Variants in LDAH observed in about 807,000 individuals in gnomAD.
LDAH encodes the protein lipid droplet associated hydrolase.
Under a neutral mutation model 29.6 loss-of-function variants are expected in LDAH, and 26 were observed. That is an observed-to-expected ratio of 0.88 (90% CI 0.64 to 1.22). The LOEUF (loss-of-function observed/expected upper bound fraction) is 1.22, where lower values mean the gene tolerates loss of function less well. LDAH is among the 50% of genes most tolerant of loss of function. The probability of loss-of-function intolerance (pLI) is 0.00; values close to 1 mark genes in which losing one functional copy is unlikely to be tolerated. For missense variants in LDAH, 344 were observed against 387.3 expected (o/e 0.89, Z 0.94); for synonymous variants, 117 against 133.0 (o/e 0.88, Z 0.83).
chr2:20,778,641 T>G (rs1319527242), intron 3 of LDAH, among the ~76,000 whole-genome samples: 1 of 152,118 alleles, frequency 6.6e-6, no homozygotes, highest in East Asian at 1.9e-4. Flanking sequence ...GATCATAATC[T>G]ACTAACAGGA....
chr2:20,785,560 C>T lies in LDAH; in HGVS notation c.298+4695G>A, dbSNP rs148425065. On this transcript the variant is annotated intron_variant, in intron 3 of 6. Coordinates refer to ENST00000237822, the MANE Select transcript of LDAH (RefSeq NM_021925.4). Reference sequence around the variant, plus strand: ...TCCTGCTTAGTGTGCTCTGAGATTCCTAGACCTGTGTTTTGTCATCTGGCA... The same window carrying T: ...TCCTGCTTAGTGTGCTCTGAGATTCTTAGACCTGTGTTTTGTCATCTGGCA... Among the ~76,000 whole-genome samples the T allele has an allele frequency of 6.6e-5, 10 of 152,292 alleles. No individual in the cohort carries two copies. In the East Asian group the frequency reaches 1.9e-3, roughly 29 times the overall value.
At chr2:20,706,769 C>T (rs527894226) in intron 5 of LDAH, among the ~76,000 whole-genome samples, 2 of 149,834 alleles carry the variant, frequency 1.3e-5, no homozygotes, top group South Asian at 4.2e-4. Flanking sequence ...TATTGGGCAA[C>T]AAAAAGACAG....
intron 6 of LDAH, among the ~76,000 whole-genome samples, chr2:20,689,834 G>A (rs549302385): frequency 2.3e-4 from 35 of 152,196 alleles, no homozygotes; most frequent in African/African-American, 7.7e-4. Flanking sequence ...GCATGCTCTC[G>A]CCTCAAGATC....
chr2:20,706,552 T>C (rs1369781691), intron 5 of LDAH, among the ~76,000 whole-genome samples: 1 of 152,194 alleles, frequency 6.6e-6, no homozygotes, highest in Non-Finnish European at 1.5e-5. Context: ...ATTATCGATA[T>C]AGAAGCCAAA....
intron 3 of LDAH, among the ~76,000 whole-genome samples, chr2:20,783,989 G>A (rs528687433): frequency 3.0e-4 from 45 of 152,246 alleles, no homozygotes; most frequent in African/African-American, 1.0e-3. Context: ...CTGGAATTAC[G>A]GGCGTGTATA....
At chr2:20,689,545 C>T (rs1450477661) in intron 6 of LDAH, among the ~76,000 whole-genome samples, 1 of 152,222 alleles carries the variant, frequency 6.6e-6, no homozygotes, top group Non-Finnish European at 1.5e-5. Context: ...CCGGATCTCT[C>T]AGCAACTACC....
intron 4 of LDAH, among the ~76,000 whole-genome samples, chr2:20,767,910 C>G (rs1317376196): frequency 6.6e-6 from 1 of 152,132 alleles, no homozygotes; most frequent in Non-Finnish European, 1.5e-5. Flanking sequence ...CTTGCCTGCA[C>G]AGAGAAGCCA....
rs77871354 is a variant in LDAH, at chr2:20,719,656, C to G, written c.704-18004G>C. Among the ~76,000 whole-genome samples the G allele has an allele frequency of 3.2e-3, 484 of 152,006 alleles. 1 individual carries two copies. Among genetic ancestry groups the G allele is most frequent in the Non-Finnish European group, 4.6e-3 (315 of 67,862 alleles). On this transcript the variant is annotated intron_variant, in intron 5 of 6. Coordinates refer to ENST00000237822, the MANE Select transcript of LDAH (RefSeq NM_021925.4). ...GGCCAGCATTACCATGATACCAAGACCAGACAAGAATATAACAGAAAACCA... is the reference window on the plus strand; with the variant it reads ...GGCCAGCATTACCATGATACCAAGAGCAGACAAGAATATAACAGAAAACCA...
At chr2:20,713,948 C>T (rs911123613) in intron 5 of LDAH, among the ~76,000 whole-genome samples, 1 of 152,148 alleles carries the variant, frequency 6.6e-6, no homozygotes, top group Non-Finnish European at 1.5e-5. Flanking sequence ...TTTAACACCC[C>T]ACTGTCAATA....
At chr2:20,714,216 G>T (rs1197020818) in intron 5 of LDAH, among the ~76,000 whole-genome samples, 4 of 152,170 alleles carry the variant, frequency 2.6e-5, no homozygotes, top group Non-Finnish European at 5.9e-5. Context: ...TAGAACTCAG[G>T]ATTAAGAAAC....
intron 3 of LDAH, among the ~76,000 whole-genome samples, chr2:20,781,303 A>C (rs1230660256): frequency 2.0e-5 from 3 of 152,172 alleles, no homozygotes; most frequent in African/African-American, 7.2e-5. Context: ...ATTATATTCA[A>C]CTTATGATTG....
At chr2:20,710,270 A>T (rs1009495867) in intron 5 of LDAH, among the ~76,000 whole-genome samples, 1 of 152,160 alleles carries the variant, frequency 6.6e-6, no homozygotes, top group Admixed American at 6.5e-5. Context: ...CAGATTCCAG[A>T]TATCAAAAGG....
At chr2:20,695,224 G>A (rs1663351702) in intron 6 of LDAH, among the ~76,000 whole-genome samples, 1 of 152,156 alleles carries the variant, frequency 6.6e-6, no homozygotes, top group African/African-American at 2.4e-5. Context: ...GGGGAGTGGT[G>A]GCTGTTGTTT....
intron 4 of LDAH, among the ~76,000 whole-genome samples, chr2:20,752,159 T>C (rs1668013773): frequency 6.6e-6 from 1 of 152,002 alleles, no homozygotes; most frequent in East Asian, 1.9e-4. Context: ...CCCAAAGTGC[T>C]AGGATTACGG....
At chr2:20,781,665 C>T (rs1670206436) in intron 3 of LDAH, among the ~76,000 whole-genome samples, 1 of 152,236 alleles carries the variant, frequency 6.6e-6, no homozygotes, top group Admixed American at 6.5e-5. Flanking sequence ...TTTTGAGCTA[C>T]TCAGATACAG....
chr2:20,686,685 CTGA>C lies in LDAH; in HGVS notation c.*215_*217del. The C allele has an allele frequency of 2.3e-6, 1 of 430,050 alleles. No individual in the cohort carries two copies. Among genetic ancestry groups the C allele is most frequent in the Non-Finnish European group, 4.2e-6 (1 of 240,574 alleles). The allele number at this position is 430,050 out of a possible 1,614,324, so 26.6% of individuals were successfully genotyped here. A position where few individuals can be genotyped will look rare whatever the true frequency, so the allele number is the denominator to read the frequency against. ...GACTCTGTGTAGATCACTGTGTTCCCTGAGTCTTGGAAAATGTATGGTTAAACC... is the reference window on the plus strand; with the variant it reads ...GACTCTGTGTAGATCACTGTGTTCCCGTCTTGGAAAATGTATGGTTAAACC... On this transcript the variant is annotated 3_prime_UTR_variant, in exon 7 of 7. Coordinates refer to ENST00000237822, the MANE Select transcript of LDAH (RefSeq NM_021925.4).
In LDAH at chr2:20,685,474, T is replaced by G. The variant is rs888789744; in HGVS notation, c.*1429A>C. On this transcript the variant is annotated 3_prime_UTR_variant, in exon 7 of 7. Coordinates refer to ENST00000237822, the MANE Select transcript of LDAH (RefSeq NM_021925.4). ...CAGCACTCCTTGTCTGGAGCTTGGC[T>G]TTTCCCCTCTGAGAAGTCACTTGCT... The G allele has an allele frequency of 1.2e-5, 18 of 1,519,334 alleles. No homozygotes were observed. The South Asian group carries it at 2.3e-4, about 19-fold the overall frequency. 94.1% of individuals were successfully genotyped at this position (1,519,334 alleles called of 1,614,324 possible).
Position 20,685,538 on chromosome 2 carries a change from A to T in LDAH, c.*1365T>A. 1 of 1,550,238 alleles carries T rather than the reference A, an allele frequency of 6.5e-7. No homozygotes were observed. Among genetic ancestry groups the T allele is most frequent in the Non-Finnish European group, 8.7e-7 (1 of 1,146,866 alleles). Reference sequence around the variant, plus strand: ...TATGCCAAAGCACAGTAACTCATTCAGCACTTACCAATAAGTTGGCAGCAA... The same window carrying T: ...TATGCCAAAGCACAGTAACTCATTCTGCACTTACCAATAAGTTGGCAGCAA... On this transcript the variant is annotated 3_prime_UTR_variant, in exon 7 of 7. Transcript: ENST00000237822.
intron 5 of LDAH, among the ~76,000 whole-genome samples, chr2:20,736,846 T>G (rs1316098977): frequency 6.6e-6 from 1 of 152,224 alleles, no homozygotes; most frequent in Non-Finnish European, 1.5e-5. Flanking sequence ...CAAGATGGTA[T>G]TTAAGTCTGA....
Sources: allele counts gnomAD v4.1 joint callset (sites outside exome capture counted in the v4.1 genomes callset), GRCh38; gene constraint gnomAD v4.1.1; transcripts MANE v1.5; gene names NCBI Gene and HGNC (gene_info 2026-07-23, HGNC 2026-07-21).